SAMD12: variants seen among roughly 807,000 people sequenced by gnomAD.
SAMD12 encodes sterile alpha motif domain-containing protein 12.
Under a neutral mutation model 15.0 loss-of-function variants are expected in SAMD12, and 9 were observed. The observed-to-expected ratio is 0.60, with a 90% confidence interval of 0.36 to 1.05. The LOEUF is 1.05. Among genes scored for constraint, SAMD12 ranks in the 50% least tolerant of loss-of-function variants. SAMD12 has a pLI of 0.01. For synonymous variants in SAMD12, 86 were observed against 90.1 expected (o/e 0.96, Z 0.25); for missense variants, 230 against 234.2 (o/e 0.98, Z 0.12).
intron 4 of SAMD12, among the ~76,000 whole-genome samples, chr8:118,197,907 T>C (rs928349225): frequency 1.3e-5 from 2 of 152,200 alleles, no homozygotes; most frequent in African/African-American, 2.4e-5. Context: ...CTTATATTCA[T>C]GAAATTTTTT....
At chr8:118,618,350 A>C (rs1360266143) in intron 1 of SAMD12, among the ~76,000 whole-genome samples, 2 of 152,266 alleles carry the variant, frequency 1.3e-5, no homozygotes, top group South Asian at 4.1e-4. Context: ...TACTTAAGAA[A>C]AAGTTACACA....
exon 5 of SAMD12, chr8:118,192,667 A>G (rs1283454611): frequency 1.3e-5 from 2 of 152,190 alleles, no homozygotes; most frequent in Admixed American, 1.3e-4. Flanking sequence ...ATTGGCTCCA[A>G]TTTATGAAAA....
At chr8:118,162,355 G>T in the SAMD12 span, among the ~76,000 whole-genome samples, 18 of 150,440 alleles carry the variant, frequency 1.2e-4, no homozygotes, top group East Asian at 3.9e-4. Flanking sequence ...CCTCAATAAA[G>T]ACATTAACAT....
At chr8:118,432,675 A>G (rs1344301849) in intron 3 of SAMD12, among the ~76,000 whole-genome samples, 2 of 152,220 alleles carry the variant, frequency 1.3e-5, no homozygotes, top group African/African-American at 4.8e-5. Flanking sequence ...AGGGCTTTCT[A>G]TAGGAGGTGG....
intron 1 of SAMD12, among the ~76,000 whole-genome samples, chr8:118,592,111 C>T (rs575374642): frequency 2.0e-4 from 31 of 152,166 alleles, no homozygotes; most frequent in South Asian, 8.3e-4. Context: ...CACCTGAGGT[C>T]GGGAGTTCGA....
chr8:118,248,147 C>T (rs1271198759), intron 4 of SAMD12, among the ~76,000 whole-genome samples: 2 of 152,096 alleles, frequency 1.3e-5, no homozygotes, highest in East Asian at 1.9e-4. Flanking sequence ...AGGATCATTT[C>T]ACCATGGAAG....
At chr8:118,288,379 T>G (rs554527919) in intron 4 of SAMD12, 1 of 152,290 alleles carries the variant, frequency 6.6e-6, no homozygotes, top group South Asian at 2.1e-4. Flanking sequence ...TTATGATCTT[T>G]GAAAAGTCAG....
At chr8:118,516,690 G>A (rs562809696) in intron 2 of SAMD12, among the ~76,000 whole-genome samples, 238 of 150,440 alleles carry the variant, frequency 1.6e-3, no homozygotes, top group African/African-American at 5.5e-3. Flanking sequence ...GCTGGATGGA[G>A]TGCAGTGGTG....
At chr8:118,286,903 C>T (rs183966560) in intron 4 of SAMD12, among the ~76,000 whole-genome samples, 2 of 152,318 alleles carry the variant, frequency 1.3e-5, no homozygotes, top group African/African-American at 4.8e-5. Context: ...ATCATGTTGA[C>T]TACATCTAGG....
At chr8:118,246,385 T>C (rs975695934) in intron 4 of SAMD12, among the ~76,000 whole-genome samples, 3 of 152,136 alleles carry the variant, frequency 2.0e-5, no homozygotes, top group African/African-American at 7.2e-5. Flanking sequence ...ACATTTTTTC[T>C]TTTCATCAAG....
intron 2 of SAMD12, among the ~76,000 whole-genome samples, chr8:118,519,859 GATA>G (rs1462242811): frequency 6.6e-6 from 1 of 152,088 alleles, no homozygotes; most frequent in Non-Finnish European, 1.5e-5. Flanking sequence ...GTGTATTCTA[GATA>G]ATTTGACTAA....
At chr8:118,564,592 C>T (rs1826799635) in intron 2 of SAMD12, among the ~76,000 whole-genome samples, 1 of 152,214 alleles carries the variant, frequency 6.6e-6, no homozygotes, top group Non-Finnish European at 1.5e-5. Flanking sequence ...TGGAGAGTAA[C>T]AGTTAAGCAT....
intron 4 of SAMD12, among the ~76,000 whole-genome samples, chr8:118,288,913 C>A (rs1249935597): frequency 3.9e-5 from 6 of 152,198 alleles, no homozygotes. Context: ...TCAGGTCTCC[C>A]ATGCTAGAAA....
intron 4 of SAMD12, among the ~76,000 whole-genome samples, chr8:118,343,366 G>A (rs1052290498): frequency 6.9e-6 from 1 of 144,880 alleles, no homozygotes; most frequent in Admixed American, 7.1e-5. Context: ...GTTTTGGAGG[G>A]GGGGAATCGT....
At chr8:118,356,626 C>T (rs1342006348) in intron 4 of SAMD12, among the ~76,000 whole-genome samples, 1 of 152,198 alleles carries the variant, frequency 6.6e-6, no homozygotes, top group Non-Finnish European at 1.5e-5. Flanking sequence ...CGATGGCATA[C>T]TTGACACAGA....
intron 1 of SAMD12, among the ~76,000 whole-genome samples, chr8:118,604,876 C>T (rs898711720): frequency 2.0e-5 from 3 of 151,740 alleles, no homozygotes; most frequent in South Asian, 2.1e-4. Context: ...GAGCCGAGAT[C>T]GCACCACTGC....
intron 4 of SAMD12, among the ~76,000 whole-genome samples, chr8:118,355,649 T>C (rs913750068): frequency 2.6e-5 from 4 of 152,212 alleles, no homozygotes; most frequent in Non-Finnish European, 4.4e-5. Flanking sequence ...AAATCCTCTC[T>C]ATCCTGTAAA....
chr8:118,411,295 C>T (rs7822168), intron 3 of SAMD12, among the ~76,000 whole-genome samples: 52,932 of 151,968 alleles, frequency 0.35, 9,917 homozygotes, highest in African/African-American at 0.42. Context: ...AATAAAACTA[C>T]TTCTTAACTC....
At chr8:118,246,709 T>C (rs753115387) in intron 4 of SAMD12, among the ~76,000 whole-genome samples, 7 of 152,068 alleles carry the variant, frequency 4.6e-5, no homozygotes, top group African/African-American at 1.7e-4. Context: ...TAGAGTGATA[T>C]GAGATTTTAG....
Sources: allele counts gnomAD v4.1 joint callset (sites outside exome capture counted in the v4.1 genomes callset), GRCh38; gene constraint gnomAD v4.1.1; transcripts MANE v1.5; gene names NCBI Gene and HGNC (gene_info 2026-07-23, HGNC 2026-07-21).